The following HK1 variants were observed in gnomAD, a reference collection of about 807,000 sequenced individuals.
The protein encoded by HK1 is hexokinase-1.
A neutral mutation model predicts 91.6 loss-of-function variants in HK1; 28 were observed. The observed-to-expected ratio is 0.31, with a 90% CI of 0.23 to 0.42. The LOEUF (loss-of-function observed/expected upper bound fraction) is 0.42, where lower values mean the gene tolerates loss of function less well. Among genes scored for constraint, HK1 ranks in the 10% least tolerant of loss-of-function variants. The pLI, the probability that HK1 is intolerant of heterozygous loss-of-function variation, is 1.00. For missense variants in HK1, 770 were observed against 1,219.8 expected (o/e 0.63, Z 5.49); for synonymous variants, 430 against 468.1 (o/e 0.92, Z 1.05).
At chr10:69,291,354 G>A (rs1243989217) in intron 3 of HK1, among the ~76,000 whole-genome samples, 1 of 152,318 alleles carries the variant, frequency 6.6e-6, no homozygotes, top group Non-Finnish European at 1.5e-5. Context: ...GCAGCTGGAC[G>A]TTGATTTGGT....
At position 69,331,028 on chromosome 10, in the gene HK1, C is replaced by A. The variant is rs562860132; in HGVS notation, c.63+12018C>A. Among the ~76,000 whole-genome samples the A allele has an allele frequency of 7.9e-5, 12 of 152,016 alleles. No individual in the cohort carries two copies. In the South Asian group the frequency reaches 2.3e-3, roughly 29 times the overall value. ...CTGAGTAGCTGGGATTACAGGCATGCGCCACCATACCTGGCTAATTTTTGT... is the reference window on the plus strand; with the variant it reads ...CTGAGTAGCTGGGATTACAGGCATGAGCCACCATACCTGGCTAATTTTTGT... On this transcript the variant is annotated intron_variant, in intron 1 of 17. Transcript: ENST00000359426.
chr10:69,298,642 A>G (rs1845694320), intron 4 of HK1, among the ~76,000 whole-genome samples: 1 of 151,804 alleles, frequency 6.6e-6, no homozygotes, highest in South Asian at 2.1e-4. Context: ...GGAAAAAAAA[A>G]AGTAGAAGCT....
chr10:69,381,646 C>T (rs1015905294), intron 9 of HK1, among the ~76,000 whole-genome samples: 1 of 151,672 alleles, frequency 6.6e-6, no homozygotes, highest in Non-Finnish European at 1.5e-5. Flanking sequence ...CTCTGCCTCC[C>T]AGGTTCCAGC....
upstream of HK1, among the ~76,000 whole-genome samples, chr10:69,311,712 C>G (rs1000701183): frequency 5.9e-5 from 9 of 152,118 alleles, no homozygotes; most frequent in African/African-American, 2.2e-4. Flanking sequence ...TCTTGGCTCA[C>G]TGCAACCTCC....
chr10:69,377,534 C>T (rs1839178705), intron 8 of HK1, among the ~76,000 whole-genome samples: 1 of 152,036 alleles, frequency 6.6e-6, no homozygotes, highest in African/African-American at 2.4e-5. Context: ...ACTAAGGGCA[C>T]CCTAGTAACC....
rs1849825945 is a variant in HK1, at chr10:69,368,559, G to A, written c.519G>A (p.Lys173=). 1 of 1,614,242 alleles carries A rather than the reference G, an allele frequency of 6.2e-7. No individual in the cohort carries two copies. The highest frequency in any genetic ancestry group is 1.1e-5 in the South Asian group (1 of 91,086). The part of the protein sequence containing the change: ...IDEAILITWT[K]RFKASGVEGA... ...AGGCCATCCTGATCACCTGGACAAA[G>A]CGATTTAAAGCGAGCGGAGTGGAAG... is the stretch of plus-strand genomic sequence containing the variant. Residue 173 remains lysine (K), a synonymous_variant, in exon 5 of 18, where the codon AAG becomes AAA. Transcript: ENST00000359426.
At chr10:69,315,907 G>A, upstream of HK1, 1 of 1,583,506 alleles carries the variant, frequency 6.3e-7, no homozygotes, top group Non-Finnish European at 8.7e-7. Flanking sequence ...CCCACCTGTG[G>A]CATCCCAGGT....
In HK1 at chr10:69,322,250, C is replaced by T. The variant is rs373044286; in HGVS notation, c.63+3240C>T. On this transcript the variant is annotated intron_variant, in intron 1 of 17. Coordinates refer to ENST00000359426, the MANE Select transcript of HK1 (RefSeq NM_000188.3). ...TTTTCTCTGGGCGAGATCCCCATAA[C>T]GCTAAGTGATTTCCACTAGTAGGTG... Among the ~76,000 whole-genome samples the T allele has an allele frequency of 2.1e-4, 32 of 152,250 alleles. No homozygotes were observed. The South Asian group carries it at 5.4e-3, about 26-fold the overall frequency.
intron 1 of HK1, among the ~76,000 whole-genome samples, chr10:69,331,167 G>A (rs1391549038): frequency 1.3e-5 from 2 of 152,112 alleles, no homozygotes; most frequent in Non-Finnish European, 2.9e-5. Context: ...GGCATGAGCC[G>A]CCACGCCGGG....
At chr10:69,271,189 C>T (rs1035379540) in intron 1 of HK1, 33 of 152,032 alleles carry the variant, frequency 2.2e-4, no homozygotes, top group African/African-American at 8.0e-4. Context: ...TGTTCCTGAC[C>T]ATTTCCTGTA....
At chr10:69,295,575 T>G (rs1845523903) in intron 3 of HK1, 1 of 1,111,430 alleles carries the variant, frequency 9.0e-7, no homozygotes, top group African/African-American at 1.5e-5. Flanking sequence ...CAATATGTTG[T>G]GAATGCAAGT....
At chr10:69,311,762 G>A (rs7094252), upstream of HK1, among the ~76,000 whole-genome samples, 1,615 of 152,118 alleles carry the variant, frequency 0.011, 38 homozygotes, top group African/African-American at 0.037. Context: ...TCAGCCTCCC[G>A]AGTAGCTGGG....
At chr10:69,344,078 T>C in intron 2 of HK1, 89 bp downstream of exon 2, 1 of 1,305,678 alleles carries the variant, frequency 7.7e-7, no homozygotes, top group South Asian at 1.2e-5. Flanking sequence ...CATTTGCTCA[T>C]TCATTCATTC....
rs984854205 is a variant in HK1 at position 69,374,179 on chromosome 10, G to T, written c.876-2755G>T. Among the ~76,000 whole-genome samples the T allele has an allele frequency of 3.3e-5, 5 of 152,164 alleles. No individual in the cohort carries two copies. In the South Asian group the frequency reaches 8.3e-4, roughly 25 times the overall value. On this transcript the variant is annotated intron_variant, in intron 7 of 17. Transcript: ENST00000359426. ...CTCCATGGAATCTCTCGGCAGCTCCGGTCCTGGTTTGCTTGGCCATGGGCC... is the reference window on the plus strand; with the variant it reads ...CTCCATGGAATCTCTCGGCAGCTCCTGTCCTGGTTTGCTTGGCCATGGGCC...
At chr10:69,345,539 A>G (rs1044599232) in intron 2 of HK1, among the ~76,000 whole-genome samples, 2 of 152,118 alleles carry the variant, frequency 1.3e-5, no homozygotes, top group African/African-American at 2.4e-5. Flanking sequence ...CTGAGAGAAG[A>G]GGAAGGAGCG....
intron 1 of HK1, among the ~76,000 whole-genome samples, chr10:69,319,890 G>T (rs960278539): frequency 7.3e-5 from 11 of 151,414 alleles, no homozygotes; most frequent in Non-Finnish European, 1.3e-4. Flanking sequence ...AGGGAAAGAC[G>T]CCCGTTTTAT....
upstream of HK1, chr10:69,315,842 C>A: frequency 9.7e-7 from 1 of 1,031,078 alleles, no homozygotes; most frequent in Non-Finnish European, 1.5e-6. Flanking sequence ...GGCATCAGGA[C>A]TAGGCTGGAG....
In HK1 at chr10:69,360,005, A is replaced by T. The variant is rs781719754; in HGVS notation, c.335A>T (p.Tyr112Phe). The T allele has an allele frequency of 9.9e-6, 16 of 1,614,076 alleles. No homozygotes were observed. Among genetic ancestry groups the T allele is most frequent in the South Asian group, 9.9e-5 (9 of 91,090 alleles). ...AATGTTCACATGGAGTCCGAGGTTT[A>T]TGACACCCCAGAGAACATCGTGCAC... The part of the protein sequence containing the change: ...NQNVHMESEV[Y>F]DTPENIVHGS... The change falls in exon 3 of 18, where the codon TAT (tyrosine) becomes TTT (phenylalanine). Residue 112 changes from tyrosine (Y) to phenylalanine (F), a missense_variant. Physicochemically the swap from Tyr to Phe is conservative, Grantham distance 22. Coordinates refer to ENST00000359426, the MANE Select transcript of HK1 (RefSeq NM_000188.3).
Position 69,369,939 on chromosome 10 carries a change from T to C in HK1, c.875+315T>C, listed in dbSNP as rs1288334991. ...TTTTAGTAGAGACAGAGTTTCACCA[T>C]GTTGGCCAGGCTGGTCTCAAACTCC... On this transcript the variant is annotated intron_variant, in intron 7 of 17. Coordinates refer to ENST00000359426, the MANE Select transcript of HK1 (RefSeq NM_000188.3). This position sits in a 1 kb window ranked among gnomAD's most constrained non-coding sequence, Gnocchi z 4.4. Among the ~76,000 whole-genome samples, 1 of 152,130 alleles carries C rather than the reference T, an allele frequency of 6.6e-6. No individual in the cohort carries two copies. The highest frequency in any genetic ancestry group is 6.5e-5 in the Admixed American group (1 of 15,270).
Sources: gnomAD v4.1 joint callset for allele counts (sites outside exome capture counted in the v4.1 genomes callset) on GRCh38, gnomAD v4.1.1 for gene constraint, Gnocchi (gnomAD v3.1) non-coding constraint, MANE v1.5 for transcripts, NCBI Gene and HGNC (gene_info 2026-07-23, HGNC 2026-07-21) for gene names.